The following RELN variants were observed in gnomAD, a reference collection of about 807,000 sequenced individuals.
The protein encoded by RELN is reelin.
Under a neutral mutation model 427.6 loss-of-function variants are expected in RELN, and 108 were observed. That is an observed-to-expected ratio of 0.25 (90% CI 0.22 to 0.30). The LOEUF is 0.30. RELN is among the 10% of genes least tolerant of loss of function. The pLI is 1.00. For missense variants in RELN, 3,715 were observed against 4,302.8 expected (o/e 0.86, Z 3.82); for synonymous variants, 1,524 against 1,513.4 (o/e 1.01, Z -0.16).
chr7:103,535,777 T>C (rs1329916855), intron 45 of RELN, among the ~76,000 whole-genome samples: 1 of 152,160 alleles, frequency 6.6e-6, no homozygotes, highest in Non-Finnish European at 1.5e-5. Flanking sequence ...TTTGGAACAA[T>C]CATCATGACA....
intron 1 of RELN, among the ~76,000 whole-genome samples, chr7:103,977,974 A>G (rs1796915624): frequency 6.6e-6 from 1 of 152,238 alleles, no homozygotes; most frequent in African/African-American, 2.4e-5. Context: ...TCTAATAACC[A>G]TCCTTAAATT....
intron 1 of RELN, among the ~76,000 whole-genome samples, chr7:103,925,364 T>G (rs1003478535): frequency 1.3e-5 from 2 of 152,214 alleles, no homozygotes; most frequent in Admixed American, 1.3e-4. Context: ...TAAAAAATTC[T>G]ACAAATAATG....
intron 2 of RELN, among the ~76,000 whole-genome samples, chr7:103,871,933 T>C (rs1277739355): frequency 1.3e-5 from 2 of 151,686 alleles, no homozygotes; most frequent in Admixed American, 6.6e-5. Flanking sequence ...CATTTTACTA[T>C]TACGCAAAGT....
intron 1 of RELN, among the ~76,000 whole-genome samples, chr7:103,976,045 G>A (rs1796872734): frequency 1.3e-5 from 2 of 152,196 alleles, no homozygotes; most frequent in South Asian, 4.1e-4. Flanking sequence ...GAGGCCCTAT[G>A]GTTTCAGTGG....
chr7:103,972,892 T>TTGTGTGTGTG (rs1266906272), intron 1 of RELN, among the ~76,000 whole-genome samples: 27 of 73,728 alleles, frequency 3.7e-4, no homozygotes, highest in Non-Finnish European at 6.0e-4. Flanking sequence ...GGGCATATGA[T>TTGTGTGTGTG]TATGTGTGTG....
rs532009924 is a variant in RELN, at chr7:103,818,903, C to CA, written c.473+14633dup. Among the ~76,000 whole-genome samples, 446 of 150,916 alleles carry CA rather than the reference C, an allele frequency of 3.0e-3. 3 individuals carry two copies. Among genetic ancestry groups the CA allele is most frequent in the African/African-American group, 0.01 (431 of 41,132 alleles). On this transcript the variant is annotated intron_variant, in intron 3 of 64. Transcript: ENST00000428762. ...AACACACACATATTTATTGGGAAAA[C>CA]ATTCATGTTACTTTTTTTTAAAAAA...
intron 6 of RELN, among the ~76,000 whole-genome samples, chr7:103,741,638 G>C (rs113263811): frequency 1.6e-5 from 2 of 128,288 alleles, no homozygotes; most frequent in Non-Finnish European, 3.4e-5. Context: ...GAGGGAACGG[G>C]AGAGGAAGAG....
intron 3 of RELN, 140 bp from the exon 4 acceptor site, chr7:103,776,767 TATAA>T (rs1791753430): frequency 2.3e-6 from 2 of 870,124 alleles, no homozygotes; most frequent in East Asian, 5.4e-5. Flanking sequence ...AGAAGAGTGA[TATAA>T]ATAACATGGA....
rs1295796584 is a variant in RELN at position 103,472,172 on chromosome 7, A to G, written c.*640T>C. On this transcript the variant is annotated 3_prime_UTR_variant, in exon 65 of 65. Transcript: ENST00000428762. ...TCAGGGTCAAGCATTTTTCTTATCC[A>G]CAAAACAACGCTAAACCAACATACA... The G allele has an allele frequency of 6.5e-6, 1 of 152,728 alleles. No individual in the cohort carries two copies. The highest frequency in any genetic ancestry group is 2.4e-5 in the African/African-American group (1 of 41,460). 9.5% of individuals were successfully genotyped at this position (152,728 alleles called of 1,614,324 possible).
At chr7:103,780,949 A>G (rs1331534402) in intron 3 of RELN, among the ~76,000 whole-genome samples, 1 of 152,134 alleles carries the variant, frequency 6.6e-6, no homozygotes, top group African/African-American at 2.4e-5. Context: ...TGCTGCCCAA[A>G]CCCTGGAACA....
At chr7:103,778,521 C>A (rs1173784179) in intron 3 of RELN, among the ~76,000 whole-genome samples, 1 of 152,172 alleles carries the variant, frequency 6.6e-6, no homozygotes, top group Non-Finnish European at 1.5e-5. Flanking sequence ...AGCCTATGCT[C>A]CCATGAACAC....
intron 2 of RELN, among the ~76,000 whole-genome samples, chr7:103,890,251 C>A (rs1794817597): frequency 6.6e-6 from 1 of 150,442 alleles, no homozygotes; most frequent in South Asian, 2.1e-4. Context: ...ACGGTCAATT[C>A]TTCTCATTGC....
intron 8 of RELN, among the ~76,000 whole-genome samples, chr7:103,716,109 C>A (rs934851852): frequency 6.6e-6 from 1 of 152,208 alleles, no homozygotes; most frequent in Non-Finnish European, 1.5e-5. Context: ...GTTCTTCCTA[C>A]AGGGTGCCAT....
At chr7:103,821,951 T>C (rs905589076) in intron 3 of RELN, among the ~76,000 whole-genome samples, 3 of 152,140 alleles carry the variant, frequency 2.0e-5, no homozygotes, top group African/African-American at 7.2e-5. Flanking sequence ...AACACATTTT[T>C]GTTTCCAGCT....
At chr7:103,909,281 C>T (rs2116645762) in intron 2 of RELN, among the ~76,000 whole-genome samples, 1 of 152,020 alleles carries the variant, frequency 6.6e-6, no homozygotes, top group Non-Finnish European at 1.5e-5. Context: ...ATAGGTTCTA[C>T]TTAGTCTTAA....
intron 24 of RELN, among the ~76,000 whole-genome samples, chr7:103,598,127 C>T (rs1201268931): frequency 6.6e-6 from 1 of 152,128 alleles, no homozygotes; most frequent in Non-Finnish European, 1.5e-5. Context: ...GGGGAAATAA[C>T]TGGGGTTAAT....
rs142638365 is a variant in RELN at position 103,489,841 on chromosome 7, T to C, written c.9664A>G (p.Ile3222Val). Residue 3222 changes from isoleucine (I) to valine (V), a missense_variant, in exon 60 of 65, where the codon ATT becomes GTT. Transcript: ENST00000428762. ...GEETEKQSWA[I>V]DHVYIGEACP... is the part of the protein sequence containing the mutation. The stretch of plus-strand genomic sequence containing the variant: ...GCCTCTCCAATGTACACGTGGTCAA[T>C]TGCCCAGCTTTGCTTCTCAGTTTCT... 1.9e-6 allele frequency: 3 copies of C among 1,614,048 alleles called. No homozygotes were observed. Among genetic ancestry groups the C allele is most frequent in the Admixed American group, 3.3e-5 (2 of 60,000 alleles).
At chr7:103,677,357 C>CT (rs1833555282) in intron 11 of RELN, among the ~76,000 whole-genome samples, 1 of 149,186 alleles carries the variant, frequency 6.7e-6, no homozygotes, top group African/African-American at 2.5e-5. Flanking sequence ...ACGTGTGTAC[C>CT]TATGTAACAA....
intron 3 of RELN, among the ~76,000 whole-genome samples, chr7:103,821,502 C>T (rs1272998474): frequency 6.6e-6 from 1 of 152,034 alleles, no homozygotes; most frequent in African/African-American, 2.4e-5. Context: ...TGGTTTTGAG[C>T]CAAATAACTA....
Sources: allele counts gnomAD v4.1 joint callset (sites outside exome capture counted in the v4.1 genomes callset), GRCh38; gene constraint gnomAD v4.1.1; transcripts MANE v1.5; gene names NCBI Gene and HGNC (gene_info 2026-07-23, HGNC 2026-07-21).